The following LY86 variants were observed in gnomAD, a reference collection of about 807,000 sequenced individuals.
LY86 encodes the protein lymphocyte antigen 86.
A neutral mutation model predicts 17.3 loss-of-function variants in LY86; 20 were observed. That is an observed-to-expected ratio of 1.15 (90% CI 0.81 to 1.68). The LOEUF (loss-of-function observed/expected upper bound fraction) is 1.68, where lower values mean the gene tolerates loss of function less well. LY86 is among the 40% of genes most tolerant of loss of function. The probability of loss-of-function intolerance (pLI) is 0.00; values close to 1 mark genes in which losing one functional copy is unlikely to be tolerated. For missense variants in LY86, 200 were observed against 191.9 expected, an observed-to-expected ratio of 1.04 and a Z score of -0.25; for synonymous variants, 74 against 70.6, an observed-to-expected ratio of 1.05 and a Z score of -0.24.
Position 6,635,826 on chromosome 6 carries a change from T to C in LY86, c.352+9405T>C, listed in dbSNP as rs560251263. Among the ~76,000 whole-genome samples, 30 of 152,368 alleles carry C rather than the reference T, an allele frequency of 2.0e-4. No homozygotes were observed. In the South Asian group the frequency reaches 6.2e-3, roughly 32 times the overall value. ...AGCCATGGAGGGAGTGCTAGCTTTC[T>C]GTGACCTGGAAAATTGCACTATTTC... is the stretch of plus-strand genomic sequence containing the variant. On this transcript the variant is annotated intron_variant, in intron 3 of 4. Transcript: ENST00000230568.
chr6:6,621,638 C>G (rs567261013), intron 1 of LY86, among the ~76,000 whole-genome samples: 1 of 152,260 alleles, frequency 6.6e-6, no homozygotes, highest in African/African-American at 2.4e-5. Context: ...TCTAGACATC[C>G]TATGATGTGC....
intron 1 of LY86, chr6:6,620,762 G>A (rs1761654902): frequency 6.6e-6 from 1 of 152,276 alleles, no homozygotes. Flanking sequence ...TACCTTTGGA[G>A]CTGATATTTG....
At chr6:6,647,700 G>C (rs1762124910) in intron 3 of LY86, among the ~76,000 whole-genome samples, 1 of 152,126 alleles carries the variant, frequency 6.6e-6, no homozygotes, top group African/African-American at 2.4e-5. Flanking sequence ...TCTCTTCTTA[G>C]TCTCCTTGGT....
chr6:6,593,608 C>T (rs1407964681), intron 1 of LY86, among the ~76,000 whole-genome samples: 5 of 152,226 alleles, frequency 3.3e-5, no homozygotes, highest in African/African-American at 4.8e-5. Flanking sequence ...TGATTTTGTA[C>T]AGTATTTTAC....
intron 1 of LY86, among the ~76,000 whole-genome samples, chr6:6,605,162 G>T (rs187760552): frequency 6.6e-6 from 1 of 152,128 alleles, no homozygotes; most frequent in African/African-American, 2.4e-5. Context: ...CTTTATCAAT[G>T]AATGTAATGA....
chr6:6,613,575 C>T (rs1460355602), intron 1 of LY86, among the ~76,000 whole-genome samples: 1 of 152,194 alleles, frequency 6.6e-6, no homozygotes, highest in Non-Finnish European at 1.5e-5. Flanking sequence ...CCACCGGGAA[C>T]TCGCTCTGGC....
intron 1 of LY86, among the ~76,000 whole-genome samples, chr6:6,613,124 A>G (rs1761433462): frequency 6.6e-6 from 1 of 152,266 alleles, no homozygotes; most frequent in Non-Finnish European, 1.5e-5. Context: ...TGAGCTAGAC[A>G]CAGGGGGCTG....
intron 1 of LY86, among the ~76,000 whole-genome samples, chr6:6,618,371 G>A (rs1761600789): frequency 6.6e-6 from 1 of 152,160 alleles, no homozygotes. Flanking sequence ...AGAGGCCAGA[G>A]GGGCCATGCA....
intron 1 of LY86, among the ~76,000 whole-genome samples, chr6:6,614,585 G>GT (rs945413889): frequency 5.9e-5 from 9 of 152,048 alleles, no homozygotes; most frequent in Admixed American, 5.2e-4. Context: ...CACATTGGGA[G>GT]TTTTTTGCAG....
At chr6:6,605,822 C>T (rs1162701731) in intron 1 of LY86, among the ~76,000 whole-genome samples, 1 of 150,864 alleles carries the variant, frequency 6.6e-6, no homozygotes, top group Admixed American at 6.6e-5. Context: ...GTCTCGCTGG[C>T]TGACTTTCCC....
intron 1 of LY86, among the ~76,000 whole-genome samples, chr6:6,612,885 C>A (rs537110162): frequency 1.4e-4 from 21 of 151,754 alleles, no homozygotes; most frequent in African/African-American, 4.9e-4. Context: ...CTTAGCTAGA[C>A]ATAAAGGTTC....
intron 3 of LY86, among the ~76,000 whole-genome samples, chr6:6,645,837 T>C (rs1045326637): frequency 2.6e-5 from 4 of 151,660 alleles, no homozygotes; most frequent in Admixed American, 2.0e-4. Context: ...AGGGAATTTC[T>C]TGAAAGGACA....
chr6:6,652,516 G>A (rs546211326), intron 4 of LY86, among the ~76,000 whole-genome samples: 58 of 152,290 alleles, frequency 3.8e-4, no homozygotes, highest in African/African-American at 1.3e-3. Context: ...GGCCCGGATT[G>A]AAGCCCTACC....
At chr6:6,638,510 A>G (rs1048630741) in intron 3 of LY86, among the ~76,000 whole-genome samples, 1 of 152,166 alleles carries the variant, frequency 6.6e-6, no homozygotes, top group African/African-American at 2.4e-5. Context: ...AATTCAGTGC[A>G]CCAGTCCTAC....
At chr6:6,639,683 C>T (rs759429137) in intron 3 of LY86, among the ~76,000 whole-genome samples, 5 of 152,208 alleles carry the variant, frequency 3.3e-5, no homozygotes, top group Non-Finnish European at 5.9e-5. Context: ...TCTGTGATTA[C>T]ATTGGACCCC....
intron 2 of LY86, 39 bp downstream of exon 2, chr6:6,625,051 C>A: frequency 1.1e-6 from 1 of 937,606 alleles, no homozygotes; most frequent in Non-Finnish European, 1.7e-6. Context: ...TAAAACATTG[C>A]ACAGCCTCTT....
At chr6:6,631,666 C>T (rs1181686766) in intron 3 of LY86, among the ~76,000 whole-genome samples, 1 of 152,082 alleles carries the variant, frequency 6.6e-6, no homozygotes, top group Non-Finnish European at 1.5e-5. Flanking sequence ...TTTTAACAAG[C>T]CTTTTGGGCC....
chr6:6,605,704 C>T (rs573790022), intron 1 of LY86, among the ~76,000 whole-genome samples: 16 of 152,006 alleles, frequency 1.1e-4, no homozygotes, highest in East Asian at 7.8e-4. Context: ...AGAATGAAGC[C>T]GCGGAACCTC....
chr6:6,654,303 A>C (rs918786125), intron 4 of LY86, among the ~76,000 whole-genome samples: 1 of 152,172 alleles, frequency 6.6e-6, no homozygotes, highest in Non-Finnish European at 1.5e-5. Context: ...CCCTTCCTGC[A>C]TGAGTTTTCT....
Sources: allele counts gnomAD v4.1 joint callset (sites outside exome capture counted in the v4.1 genomes callset), GRCh38; gene constraint gnomAD v4.1.1; transcripts MANE v1.5; gene names NCBI Gene and HGNC (gene_info 2026-07-23, HGNC 2026-07-21).